PTPRM: variants seen among roughly 807,000 people sequenced by gnomAD.
PTPRM encodes receptor-type tyrosine-protein phosphatase mu.
Under a neutral mutation model 186.7 loss-of-function variants are expected in PTPRM, and 47 were observed. The ratio of observed to expected loss-of-function variants is 0.25; its 90% CI spans 0.20 to 0.32. PTPRM has a LOEUF of 0.32. Ranked by LOEUF, PTPRM falls within the 10% of genes least tolerant of loss-of-function variation. The pLI is 1.00. For missense variants in PTPRM, 1,494 were observed against 1,865.0 expected (o/e 0.80, Z 3.66); for synonymous variants, 668 against 674.9 (o/e 0.99, Z 0.16).
chr18:8,001,693 C>T (rs938034865), intron 7 of PTPRM, among the ~76,000 whole-genome samples: 4 of 152,180 alleles, frequency 2.6e-5, no homozygotes, highest in Non-Finnish European at 4.4e-5. Context: ...CCCATGTCCC[C>T]TTCTCTGCCT....
At chr18:7,797,057 T>A (rs1000892535) in intron 2 of PTPRM, among the ~76,000 whole-genome samples, 15 of 152,210 alleles carry the variant, frequency 9.9e-5, no homozygotes, top group Admixed American at 9.8e-4. Context: ...CATGACAGAC[T>A]CAGCTCCACT....
At position 8,378,426 on chromosome 18, in the gene PTPRM, C is replaced by G; in HGVS notation, c.3612+12C>G. On this transcript the variant is annotated intron_variant, in intron 27 of 32. Coordinates refer to ENST00000580170, the MANE Select transcript of PTPRM (RefSeq NM_001105244.2). ...AAGAGGAATTCCGGGTAAGTGATGC[C>G]TAAGGGAGGGGCACTGCACGGTGAC... is the stretch of plus-strand genomic sequence containing the variant. 6.2e-7 allele frequency: 1 copy of G among 1,613,546 alleles called. No homozygotes were observed. Among genetic ancestry groups the G allele is most frequent in the Non-Finnish European group, 8.5e-7 (1 of 1,179,660 alleles).
intron 2 of PTPRM, among the ~76,000 whole-genome samples, chr18:7,887,350 AGAGCTCGTGAGACTTCTTAGAAT>A (rs1241608221): frequency 1.2e-4 from 19 of 152,190 alleles, no homozygotes; most frequent in Non-Finnish European, 2.6e-4. Context: ...CAAGATCCAA[AGAGCTCGTGAGACTTCTTAGAAT>A]GATCGTCCTT....
chr18:8,276,397 G>A (rs1568649175), intron 19 of PTPRM, among the ~76,000 whole-genome samples: 3 of 152,136 alleles, frequency 2.0e-5, no homozygotes, highest in South Asian at 2.1e-4. Context: ...ATAGGTCAAC[G>A]CAGACCAGTA....
intron 14 of PTPRM, among the ~76,000 whole-genome samples, chr18:8,169,046 T>C (rs2093361073): frequency 1.3e-5 from 2 of 152,210 alleles, no homozygotes; most frequent in Non-Finnish European, 2.9e-5. Flanking sequence ...TAAATTTCTC[T>C]ATAAATATCT....
At chr18:7,689,437 G>A (rs1033360391) in intron 1 of PTPRM, among the ~76,000 whole-genome samples, 6 of 152,166 alleles carry the variant, frequency 3.9e-5, no homozygotes, top group African/African-American at 1.4e-4. Flanking sequence ...GTGGCTTTTG[G>A]ATTTTCTCCT....
intron 14 of PTPRM, among the ~76,000 whole-genome samples, chr18:8,232,049 A>G (rs2094293630): frequency 1.3e-5 from 2 of 152,136 alleles, no homozygotes; most frequent in Non-Finnish European, 2.9e-5. Context: ...ACAGCCTAGA[A>G]CCTCCTCTGT....
rs528395886 is a variant in PTPRM at position 8,004,396 on chromosome 18, C to A, written c.1132+48982C>A. Among the ~76,000 whole-genome samples the A allele has an allele frequency of 1.4e-4, 21 of 150,770 alleles. No homozygotes were observed. The East Asian group carries it at 3.5e-3, about 25-fold the overall frequency. Reference sequence around the variant, plus strand: ...GCGTAGAAAAATTACTCAGGCAATTCAAATGGATAACATTTGGCATGAGTT... The same window carrying A: ...GCGTAGAAAAATTACTCAGGCAATTAAAATGGATAACATTTGGCATGAGTT... On this transcript the variant is annotated intron_variant, in intron 7 of 32. Transcript: ENST00000580170.
At chr18:8,170,791 A>G (rs892299053) in intron 14 of PTPRM, among the ~76,000 whole-genome samples, 2 of 152,148 alleles carry the variant, frequency 1.3e-5, no homozygotes, top group African/African-American at 4.8e-5. Context: ...GCCTCTCCAT[A>G]GCTCCCGATA....
chr18:7,936,003 G>A (rs1314838293), intron 5 of PTPRM, among the ~76,000 whole-genome samples: 1 of 152,190 alleles, frequency 6.6e-6, no homozygotes, highest in Non-Finnish European at 1.5e-5. Context: ...ATTATATTCA[G>A]CGGAAGGTTC....
At chr18:8,235,476 T>TTTTTTTG (rs1481569126) in intron 14 of PTPRM, among the ~76,000 whole-genome samples, 32 of 136,776 alleles carry the variant, frequency 2.3e-4, no homozygotes, top group African/African-American at 5.3e-4. Context: ...TTTTTTTTTT[T>TTTTTTTG]TTTAGCCTGG....
At chr18:8,210,484 G>A (rs2093988405) in intron 14 of PTPRM, among the ~76,000 whole-genome samples, 1 of 152,164 alleles carries the variant, frequency 6.6e-6, no homozygotes, top group Non-Finnish European at 1.5e-5. Context: ...TTCCCCTACA[G>A]GTTTCAGAGA....
chr18:8,042,378 T>C (rs753842625), intron 7 of PTPRM, among the ~76,000 whole-genome samples: 47 of 152,200 alleles, frequency 3.1e-4, no homozygotes, highest in Non-Finnish European at 5.7e-4. Context: ...ATATTGAAAA[T>C]GGCATATATC....
chr18:7,985,131 A>G (rs1239534411), intron 7 of PTPRM, among the ~76,000 whole-genome samples: 2 of 130,668 alleles, frequency 1.5e-5, no homozygotes, highest in South Asian at 4.6e-4. Context: ...ACACATATAA[A>G]TATATACATA....
intron 14 of PTPRM, among the ~76,000 whole-genome samples, chr18:8,209,512 A>C (rs1383968958): frequency 6.6e-6 from 1 of 152,190 alleles, no homozygotes; most frequent in African/African-American, 2.4e-5. Context: ...GGAGAAATTA[A>C]GAAGTCGGGA....
chr18:7,714,895 A>T (rs2040291935), intron 1 of PTPRM, among the ~76,000 whole-genome samples: 1 of 152,234 alleles, frequency 6.6e-6, no homozygotes, highest in Non-Finnish European at 1.5e-5. Context: ...AACCAAAAAA[A>T]GCCTAGGACC....
intron 14 of PTPRM, among the ~76,000 whole-genome samples, chr18:8,174,086 T>G (rs911711296): frequency 2.7e-5 from 4 of 150,542 alleles, no homozygotes; most frequent in Admixed American, 2.6e-4. Flanking sequence ...AAAAGGCCAA[T>G]CTTAGATTTT....
chr18:7,819,910 C>T (rs552584271), intron 2 of PTPRM, among the ~76,000 whole-genome samples: 7 of 152,248 alleles, frequency 4.6e-5, no homozygotes, highest in Middle Eastern at 3.4e-3. Flanking sequence ...GGGCCTGGAG[C>T]GGGAAGCAGA....
chr18:8,056,564 G>A (rs1213173387), intron 7 of PTPRM, among the ~76,000 whole-genome samples: 1 of 151,866 alleles, frequency 6.6e-6, no homozygotes, highest in African/African-American at 2.4e-5. Context: ...GGAGGTTGTG[G>A]TTAGCTGAGA....
Sources: allele counts gnomAD v4.1 joint callset (sites outside exome capture counted in the v4.1 genomes callset), GRCh38; gene constraint gnomAD v4.1.1; transcripts MANE v1.5; gene names NCBI Gene and HGNC (gene_info 2026-07-23, HGNC 2026-07-21).